Variants in ANO10 observed in about 807,000 individuals in gnomAD.
ANO10 encodes anoctamin 10, also known as anoctamin-10.
Under a neutral mutation model 74.7 loss-of-function variants are expected in ANO10, and 77 were observed. The ratio of observed to expected loss-of-function variants is 1.03; its 90% CI spans 0.86 to 1.25. The LOEUF (loss-of-function observed/expected upper bound fraction) is 1.25. Among genes scored for constraint, ANO10 ranks in the 50% most tolerant of loss-of-function variants. The pLI is 0.00. For missense variants in ANO10, 721 were observed against 778.1 expected, an observed-to-expected ratio of 0.93 and a Z score of 0.87; for synonymous variants, 279 against 284.9, an observed-to-expected ratio of 0.98 and a Z score of 0.21.
intron 4 of ANO10, 108 bp from the exon 5 acceptor site, chr3:43,580,580 T>A (rs1309679559): frequency 2.2e-6 from 3 of 1,352,206 alleles, no homozygotes; most frequent in Admixed American, 1.8e-5. Context: ...AACGCAAAGG[T>A]CAATGTCATA....
intron 1 of ANO10, among the ~76,000 whole-genome samples, chr3:43,655,664 A>G (rs2083841315): frequency 6.6e-6 from 1 of 152,140 alleles, no homozygotes. Context: ...CAGATCAGTT[A>G]GATACAGAGT....
At chr3:43,585,237 C>T (rs2081422625) in intron 4 of ANO10, among the ~76,000 whole-genome samples, 1 of 151,994 alleles carries the variant, frequency 6.6e-6, no homozygotes, top group African/African-American at 2.4e-5. Context: ...CCAGGGTTGA[C>T]AACTTAATTC....
rs1352276222 is a variant in ANO10, at chr3:43,600,530, A to T, written c.191T>A (p.Leu64Gln). Residue 64 changes from leucine to glutamine, a missense_variant, in exon 3 of 13, where the codon CTA (leucine) becomes CAA (glutamine). Transcript: ENST00000292246. ...AACAAGATATAAGTTCTGATTTTCTAGTGTTTCTTGTTCATATTTATTTAA... is the reference window on the plus strand; with the variant it reads ...AACAAGATATAAGTTCTGATTTTCTTGTGTTTCTTGTTCATATTTATTTAA... ...PLLNKYEQET[L>Q]ENQNLYLVGA... 1 of 1,613,796 alleles carries T rather than the reference A, an allele frequency of 6.2e-7. No individual in the cohort carries two copies. The highest frequency in any genetic ancestry group is 2.2e-5 in the East Asian group (1 of 44,866).
chr3:43,384,187 AG>A (rs1368074292), intron 12 of ANO10, among the ~76,000 whole-genome samples: 1 of 152,056 alleles, frequency 6.6e-6, no homozygotes, highest in Non-Finnish European at 1.5e-5. Flanking sequence ...AAAAAAAAAA[AG>A]AAAAGTAAAA....
At chr3:43,486,140 A>C (rs1294325940) in intron 11 of ANO10, among the ~76,000 whole-genome samples, 1 of 152,136 alleles carries the variant, frequency 6.6e-6, no homozygotes, top group African/African-American at 2.4e-5. Flanking sequence ...GGAGAGATTG[A>C]GTCTGACACC....
At chr3:43,616,318 A>G (rs535278115) in intron 1 of ANO10, among the ~76,000 whole-genome samples, 2 of 152,314 alleles carry the variant, frequency 1.3e-5, no homozygotes, top group South Asian at 2.1e-4. Context: ...CTGGAATCCA[A>G]TGCTCTTTGA....
intron 11 of ANO10, among the ~76,000 whole-genome samples, chr3:43,495,390 A>C: frequency 6.6e-6 from 1 of 152,186 alleles, no homozygotes; most frequent in East Asian, 1.9e-4. Context: ...GGGTTATATA[A>C]AAAATGGAAA....
intron 11 of ANO10, among the ~76,000 whole-genome samples, chr3:43,508,158 C>T (rs2077366712): frequency 6.6e-6 from 1 of 151,938 alleles, no homozygotes; most frequent in Non-Finnish European, 1.5e-5. Flanking sequence ...GGTACTTCTC[C>T]CTATTTTTCA....
At position 43,561,419 on chromosome 3, in the gene ANO10, A is replaced by C; in HGVS notation, c.1294-17T>G. 1 of 1,612,334 alleles carries C rather than the reference A, an allele frequency of 6.2e-7. No homozygotes were observed. The highest frequency in any genetic ancestry group is 1.3e-5 in the African/African-American group (1 of 75,012). On this transcript the variant is annotated splice_polypyrimidine_tract_variant and intron_variant, in intron 8 of 12. Transcript: ENST00000292246. ...GGCCAAGCTCTAAAGAGAAGCACAC[A>C]AATCACATTTTGGGAATACAGCTTA...
At chr3:43,625,931 C>T (rs2083487059), upstream of ANO10, among the ~76,000 whole-genome samples, 1 of 151,382 alleles carries the variant, frequency 6.6e-6, no homozygotes, top group African/African-American at 2.4e-5. Flanking sequence ...CTCTCTCTCT[C>T]TTCAATTACT....
chr3:43,382,001 A>C (rs888282128), intron 12 of ANO10, among the ~76,000 whole-genome samples: 1 of 152,248 alleles, frequency 6.6e-6, no homozygotes, highest in Non-Finnish European at 1.5e-5. Context: ...GATGGAAATT[A>C]AAAAATTATT....
chr3:43,683,731 G>A (rs1203197230), intron 1 of ANO10, among the ~76,000 whole-genome samples: 4 of 152,048 alleles, frequency 2.6e-5, no homozygotes, highest in Non-Finnish European at 5.9e-5. Context: ...CCAAAACAGA[G>A]ATATAGACCA....
At chr3:43,427,006 A>C (rs1171996988) in intron 12 of ANO10, among the ~76,000 whole-genome samples, 1 of 152,192 alleles carries the variant, frequency 6.6e-6, no homozygotes, top group East Asian at 1.9e-4. Flanking sequence ...GCTGAGAAGA[A>C]TAACTGAATC....
At chr3:43,573,180 T>C (rs1451981807) in intron 7 of ANO10, among the ~76,000 whole-genome samples, 5 of 152,164 alleles carry the variant, frequency 3.3e-5, no homozygotes, top group Non-Finnish European at 5.9e-5. Flanking sequence ...TTTACTTTCT[T>C]ACACAGAGGG....
At chr3:43,660,037 A>G (rs991745771) in intron 1 of ANO10, among the ~76,000 whole-genome samples, 1 of 152,224 alleles carries the variant, frequency 6.6e-6, no homozygotes, top group African/African-American at 2.4e-5. Flanking sequence ...ACAAACAGAA[A>G]GGAATAGCAT....
intron 11 of ANO10, among the ~76,000 whole-genome samples, chr3:43,447,925 G>A (rs201670106): frequency 1.3e-5 from 2 of 152,098 alleles, no homozygotes; most frequent in Admixed American, 6.5e-5. Context: ...GTTATGGCTT[G>A]AATTTCTGTG....
intron 4 of ANO10, among the ~76,000 whole-genome samples, chr3:43,587,087 A>G (rs1433604041): frequency 6.6e-6 from 1 of 152,230 alleles, no homozygotes; most frequent in Non-Finnish European, 1.5e-5. Context: ...GTATACTGAA[A>G]GAACATTATG....
chr3:43,481,315 G>C (rs2076260471), intron 11 of ANO10, among the ~76,000 whole-genome samples: 1 of 152,092 alleles, frequency 6.6e-6, no homozygotes, highest in African/African-American at 2.4e-5. Flanking sequence ...AGCTGAATTT[G>C]CTTGGTCAAC....
At chr3:43,599,295 T>C (rs1472626119) in intron 3 of ANO10, among the ~76,000 whole-genome samples, 1 of 152,172 alleles carries the variant, frequency 6.6e-6, no homozygotes, top group African/African-American at 2.4e-5. Context: ...CAGGGATCAG[T>C]TTGATTCTGA....
Sources: allele counts gnomAD v4.1 joint callset (sites outside exome capture counted in the v4.1 genomes callset), GRCh38; gene constraint gnomAD v4.1.1; transcripts MANE v1.5; gene names NCBI Gene and HGNC (gene_info 2026-07-23, HGNC 2026-07-21).